USP50: variants seen among roughly 807,000 people sequenced by gnomAD.
The protein encoded by USP50 is ubiquitin specific peptidase 50.
USP50 carries 37 observed loss-of-function variants against 39.2 expected under a neutral mutation model. That is an observed-to-expected ratio of 0.94 (90% CI 0.73 to 1.24). The LOEUF (loss-of-function observed/expected upper bound fraction) is 1.24, where lower values mean the gene tolerates loss of function less well. Ranked by LOEUF, USP50 falls within the 50% of genes most tolerant of loss-of-function variation. The pLI is 0.00. For missense variants in USP50, 374 were observed against 398.2 expected, an observed-to-expected ratio of 0.94 and a Z score of 0.52; for synonymous variants, 139 against 144.5, an observed-to-expected ratio of 0.96 and a Z score of 0.27.
At chr15:50,540,156 G>A (rs888257019) in intron 4 of USP50, among the ~76,000 whole-genome samples, 1 of 152,142 alleles carries the variant, frequency 6.6e-6, no homozygotes, top group Admixed American at 6.5e-5. Flanking sequence ...AAAACTTATT[G>A]CTGTCCGCCC....
At chr15:50,524,897 A>C (rs1355807901) in intron 6 of USP50, among the ~76,000 whole-genome samples, 1 of 152,074 alleles carries the variant, frequency 6.6e-6, no homozygotes, top group Non-Finnish European at 1.5e-5. Context: ...ATCAACAAAA[A>C]AAAAACCCTA....
intron 5 of USP50, among the ~76,000 whole-genome samples, chr15:50,535,078 G>T (rs1392867937): frequency 2.0e-5 from 3 of 152,008 alleles, no homozygotes; most frequent in East Asian, 3.9e-4. Flanking sequence ...GGCAGAGTTT[G>T]CAGTGAGCCA....
At chr15:50,544,413 A>G (rs2053055245) in intron 2 of USP50, among the ~76,000 whole-genome samples, 174 bp downstream of exon 2, 1 of 151,704 alleles carries the variant, frequency 6.6e-6, no homozygotes, top group Non-Finnish European at 1.5e-5. Flanking sequence ...AGCTGCATTC[A>G]TTTCTTGGTT....
intron 3 of USP50, among the ~76,000 whole-genome samples, chr15:50,541,725 A>T (rs747015209): frequency 7.2e-5 from 11 of 152,076 alleles, no homozygotes; most frequent in Non-Finnish European, 1.3e-4. Context: ...TAAAACATAT[A>T]CCCATGGCCC....
At chr15:50,494,556 A>G (rs2052299469) in intron 1 of USP50, among the ~76,000 whole-genome samples, 1 of 152,280 alleles carries the variant, frequency 6.6e-6, no homozygotes, top group African/African-American at 2.4e-5. Flanking sequence ...AAGTAAAATC[A>G]TAAACAAATG....
rs780931307 is a variant in USP50, at chr15:50,541,187, T to C, written c.522A>G (p.Thr174=). 14 of 1,613,908 alleles carry C rather than the reference T, an allele frequency of 8.7e-6. No individual in the cohort carries two copies. In the Admixed American group the frequency reaches 1.0e-4, roughly 12 times the overall value. Residue 174 remains threonine, a synonymous_variant, in exon 4 of 7, where the codon ACA becomes ACG. Coordinates refer to ENST00000532404, the MANE Select transcript of USP50 (RefSeq NM_203494.5). ...RCCRKWITTE[T]SIITQLFEEQ... ...CTTCAAACAGCTGGGTGATGATGGA[T>C]GTCTCAGTGGTAATCCACTTCCTGC...
At chr15:50,494,980 C>T (rs953440055) in intron 1 of USP50, among the ~76,000 whole-genome samples, 4 of 149,520 alleles carry the variant, frequency 2.7e-5, no homozygotes, top group Admixed American at 6.7e-5. Flanking sequence ...GCAGTGACCA[C>T]TGCACTCCAG....
chr15:50,542,645 C>T (rs1247863137), intron 3 of USP50, among the ~76,000 whole-genome samples: 3 of 151,896 alleles, frequency 2.0e-5, no homozygotes, highest in Non-Finnish European at 4.4e-5. Context: ...CCTGCCACCA[C>T]GCCTGGCTGA....
chr15:50,528,971 A>C (rs2052919162), intron 6 of USP50, among the ~76,000 whole-genome samples: 1 of 152,224 alleles, frequency 6.6e-6, no homozygotes, highest in African/African-American at 2.4e-5. Flanking sequence ...ACCGTGATCC[A>C]GAACAGAAAC....
intron 6 of USP50, among the ~76,000 whole-genome samples, chr15:50,524,070 A>G (rs932576629): frequency 2.6e-5 from 4 of 152,236 alleles, no homozygotes; most frequent in African/African-American, 9.6e-5. Flanking sequence ...AAAACTGGAT[A>G]TTCACAGGCA....
intron 6 of USP50, chr15:50,508,158 A>AC (rs963479842): frequency 6.6e-6 from 1 of 151,600 alleles, no homozygotes; most frequent in Non-Finnish European, 1.5e-5. Context: ...ACAAAATGAT[A>AC]CCCCCACAAA....
Position 50,546,540 on chromosome 15 carries a change from G to A in USP50, c.-15C>T, listed in dbSNP as rs1372382333. ...TGAGAAGTCATTTTAATGGAACCAC[G>A]TTGGACTTTTGCTTCTATTCAGGAG... On this transcript the variant is annotated 5_prime_UTR_variant, in exon 1 of 7. It adds an upstream start codon to the 5' untranslated region. Transcript: ENST00000532404. The A allele has an allele frequency of 2.5e-6, 4 of 1,613,170 alleles. No homozygotes were observed. The African/African-American group carries it at 4.0e-5, about 16-fold the overall frequency.
chr15:50,501,729 A>T (rs993386884), intron 6 of USP50: 1 of 152,102 alleles, frequency 6.6e-6, no homozygotes, highest in African/African-American at 2.4e-5. Flanking sequence ...GTGTACTTCC[A>T]AGGAGGTGTT....
At chr15:50,496,170 C>T (rs761730626), downstream of USP50, 11 of 1,124,510 alleles carry the variant, frequency 9.8e-6, no homozygotes, top group Non-Finnish European at 1.1e-5. Context: ...CTGGTCTTTA[C>T]CCTTACAAAC....
chr15:50,520,129 G>C (rs2052837066), intron 6 of USP50, among the ~76,000 whole-genome samples: 1 of 151,968 alleles, frequency 6.6e-6, no homozygotes, highest in Admixed American at 6.6e-5. Flanking sequence ...AACATAGTGA[G>C]ATTCTGTCTC....
chr15:50,509,351 A>G (rs2052708759), intron 6 of USP50: 1 of 151,454 alleles, frequency 6.6e-6, no homozygotes, highest in African/African-American at 2.4e-5. Flanking sequence ...AGTAAGATTT[A>G]GAGAATAAGA....
chr15:50,496,019 A>G (rs1316069416), downstream of USP50: 6 of 1,614,100 alleles, frequency 3.7e-6, no homozygotes, highest in Non-Finnish European at 5.1e-6. Flanking sequence ...CAAAAAGTCT[A>G]GGACATTTGA....
Position 50,500,900 on chromosome 15 carries a change from A to T in USP50, c.937-63T>A. 4 of 1,277,424 alleles carry T rather than the reference A, an allele frequency of 3.1e-6. No individual in the cohort carries two copies. The Admixed American group carries it at 5.9e-5, about 19-fold the overall frequency. The allele number at this position is 1,277,424 out of a possible 1,614,324, so 79.1% of individuals were successfully genotyped here. On this transcript the variant is annotated intron_variant, in intron 6 of 6. Transcript: ENST00000532404. Reference sequence around the variant, plus strand: ...ATGAACACTAACTACTGGAACAGAAATGATAGGGCCAAGAGATGCTTTTTA... The same window carrying T: ...ATGAACACTAACTACTGGAACAGAATTGATAGGGCCAAGAGATGCTTTTTA...
At chr15:50,495,970 G>A (rs2052384973), downstream of USP50, 1 of 1,613,834 alleles carries the variant, frequency 6.2e-7, no homozygotes, top group African/African-American at 1.3e-5. Context: ...CACTTTTTCA[G>A]GGTCAATTCA....
Sources: gnomAD v4.1 joint callset for allele counts (sites outside exome capture counted in the v4.1 genomes callset) on GRCh38, gnomAD v4.1.1 for gene constraint, MANE v1.5 for transcripts, NCBI Gene and HGNC (gene_info 2026-07-23, HGNC 2026-07-21) for gene names.